RNF207: variants seen among roughly 807,000 people sequenced by gnomAD.
The protein encoded by RNF207 is OTTHUMG00000001089.
Under a neutral mutation model 79.0 loss-of-function variants are expected in RNF207, and 72 were observed. The ratio of observed to expected loss-of-function variants is 0.91; its 90% CI spans 0.75 to 1.11. The LOEUF (loss-of-function observed/expected upper bound fraction) is 1.11. RNF207 is among the 50% of genes least tolerant of loss of function. RNF207 has a pLI of 0.00. For missense variants in RNF207, 936 were observed against 855.8 expected, an observed-to-expected ratio of 1.09 and a Z score of -1.17; for synonymous variants, 348 against 366.2, an observed-to-expected ratio of 0.95 and a Z score of 0.57.
chr1:6,216,562 CTTT>C (rs60430154), intron 16 of RNF207, among the ~76,000 whole-genome samples: 5 of 139,878 alleles, frequency 3.6e-5, no homozygotes, highest in African/African-American at 2.7e-5. Context: ...CCATATTCAT[CTTT>C]TTTTTTTTTT....
chr1:6,216,449 G>A (rs530329730), intron 16 of RNF207, among the ~76,000 whole-genome samples: 29 of 152,252 alleles, frequency 1.9e-4, no homozygotes, highest in Non-Finnish European at 3.5e-4. Context: ...CCAGGTCTGC[G>A]AGTCCACTCA....
rs144151382 is a variant in RNF207, at chr1:6,210,523, G to C, written c.942+85G>C. 1.4e-3 allele frequency: 1,523 copies of C among 1,069,808 alleles called. 15 individuals carry two copies. The African/African-American group carries it at 0.022, about 15-fold the overall frequency. The allele number at this position is 1,069,808 out of a possible 1,614,324, so 66.3% of individuals were successfully genotyped here. A position where few individuals can be genotyped will look rare whatever the true frequency, so the allele number is the denominator to read the frequency against. On this transcript the variant is annotated intron_variant, in intron 10 of 17. Transcript: ENST00000377939. ...AAAGCCACCAACTCAGGGGTGGGCA[G>C]CCTGTCACCTGGAGCCTGGACCAGG...
chr1:6,212,234 C>G lies in RNF207; in HGVS notation c.1300C>G (p.Leu434Val). 2 of 1,611,824 alleles carry G rather than the reference C, an allele frequency of 1.2e-6. No individual in the cohort carries two copies. Among genetic ancestry groups the G allele is most frequent in the Non-Finnish European group, 1.7e-6 (2 of 1,178,906 alleles). Residue 434 changes from leucine to valine, a missense_variant, in exon 14 of 18, where the codon CTG becomes GTG. By Grantham distance (32) the Leu-to-Val change is conservative. Coordinates refer to ENST00000377939, the MANE Select transcript of RNF207 (RefSeq NM_207396.3). ...CTCACACAGCCTCTCTGTGCAGCAC[C>G]TGCAGGCAGAGATGCAGAGCCTAAA... is the stretch of plus-strand genomic sequence containing the variant. ...CRHYEDSYRH[L>V]QAEMQSLKDQ...
chr1:6,206,932 T>C (rs902067447), intron 2 of RNF207, among the ~76,000 whole-genome samples: 2 of 152,126 alleles, frequency 1.3e-5, no homozygotes, highest in Non-Finnish European at 2.9e-5. Context: ...AACTGAAGCC[T>C]GGAGATTGCA....
rs1464285423 is a variant in RNF207, at chr1:6,211,676, C to T, written c.1110-191C>T. 6.6e-6 allele frequency among the ~76,000 whole-genome samples: 1 copy of T among 152,202 alleles called. No individual in the cohort carries two copies. On this transcript the variant is annotated intron_variant, in intron 12 of 17. Coordinates refer to ENST00000377939, the MANE Select transcript of RNF207 (RefSeq NM_207396.3). This position sits in a 1 kb window ranked among gnomAD's most constrained non-coding sequence, Gnocchi z 4.2. ...CACATCCTGGAACCCACTCCAGGGA[C>T]TTTAAAAAATAGATGTGGATGTCCG...
Position 6,207,876 on chromosome 1 carries a change from C to T in RNF207, c.324+365C>T. 2 of 430,166 alleles carry T rather than the reference C, an allele frequency of 4.6e-6. No individual in the cohort carries two copies. The highest frequency in any genetic ancestry group is 9.1e-6 in the Non-Finnish European group (2 of 220,458). The allele number at this position is 430,166 out of a possible 1,614,324, so 26.6% of individuals were successfully genotyped here. On this transcript the variant is annotated intron_variant, in intron 3 of 17. Coordinates refer to ENST00000377939, the MANE Select transcript of RNF207 (RefSeq NM_207396.3). This position sits in a 1 kb window ranked among gnomAD's most constrained non-coding sequence, Gnocchi z 4.5. ...TACCCAAGTGGCATAGAAGCAGCTA[C>T]AGCCCAGGGGAGGTGGGGACAGCAT...
chr1:6,212,070 C>A lies in RNF207; in HGVS notation c.1296+17C>A. Reference sequence around the variant, plus strand: ...TCCTACCGGGTGAGGGGGCAGGGATCTGCCGGAGGGGGGAGATGTCCTAAC... The same window carrying A: ...TCCTACCGGGTGAGGGGGCAGGGATATGCCGGAGGGGGGAGATGTCCTAAC... On this transcript the variant is annotated intron_variant, in intron 13 of 17. Coordinates refer to ENST00000377939, the MANE Select transcript of RNF207 (RefSeq NM_207396.3). The A allele has an allele frequency of 1.9e-6, 3 of 1,579,216 alleles. No homozygotes were observed. Among genetic ancestry groups the A allele is most frequent in the Non-Finnish European group, 2.6e-6 (3 of 1,162,556 alleles).
Position 6,213,079 on chromosome 1 carries a change from CCTT to C in RNF207, c.1551_1553del (p.Leu518del). On this transcript the variant is annotated inframe_deletion, in exon 16 of 18. Coordinates refer to ENST00000377939, the MANE Select transcript of RNF207 (RefSeq NM_207396.3). ...TTGGCCCCACAGCCCAGCTCCATGACCTTCTCCAGCTGAGGCAGGAGAATGCCT... is the reference window on the plus strand; with the variant it reads ...TTGGCCCCACAGCCCAGCTCCATGACCTCCAGCTGAGGCAGGAGAATGCCT... 3.1e-6 allele frequency: 5 copies of C among 1,612,854 alleles called. No individual in the cohort carries two copies. Among genetic ancestry groups the C allele is most frequent in the Non-Finnish European group, 4.2e-6 (5 of 1,179,134 alleles).
Position 6,220,821 on chromosome 1 carries a change from T to C in RNF207, c.*1414T>C, listed in dbSNP as rs1304723466. 2 of 152,158 alleles carry C rather than the reference T, an allele frequency of 1.3e-5. No homozygotes were observed. The highest frequency in any genetic ancestry group is 4.8e-5 in the African/African-American group (2 of 41,372). The allele number at this position is 152,158 out of a possible 1,614,324, so 9.4% of individuals were successfully genotyped here. A position where few individuals can be genotyped will look rare whatever the true frequency, so the allele number is the denominator to read the frequency against. On this transcript the variant is annotated 3_prime_UTR_variant, in exon 18 of 18. Transcript: ENST00000377939. ...AAGTAACCCACGTGACGTAAAATTT[T>C]ACAAGTTTTTGTGGCAAAATGATGC...
rs2100933953 is a variant in RNF207, at chr1:6,211,770, CTG to C, written c.1110-94_1110-93del. ...GCTGTGCTCCAGGTGGTGGAGAGGG[CTG>C]TGAGATCCCGGAGCAGTCCAGGGGG... is the stretch of plus-strand genomic sequence containing the variant. On this transcript the variant is annotated intron_variant, in intron 12 of 17. Coordinates refer to ENST00000377939, the MANE Select transcript of RNF207 (RefSeq NM_207396.3). The surrounding 1 kb of genome is among the most constrained non-coding windows in gnomAD (Gnocchi z 4.2). 1 of 825,738 alleles carries C rather than the reference CTG, an allele frequency of 1.2e-6. No homozygotes were observed. Among genetic ancestry groups the C allele is most frequent in the African/African-American group, 1.7e-5 (1 of 58,528 alleles). 51.2% of individuals were successfully genotyped at this position (825,738 alleles called of 1,614,324 possible).
At chr1:6,215,331 CTT>C (rs147320112) in intron 16 of RNF207, among the ~76,000 whole-genome samples, 89 of 138,724 alleles carry the variant, frequency 6.4e-4, no homozygotes, top group African/African-American at 9.1e-4. Context: ...CCCGGCCCCC[CTT>C]TTTTTTTTTT....
rs1424399078 is a variant in RNF207 at position 6,213,195 on chromosome 1, G to T, written c.1652+12G>T. 6.4e-7 allele frequency: 1 copy of T among 1,569,950 alleles called. No homozygotes were observed. The highest frequency in any genetic ancestry group is 1.3e-5 in the African/African-American group (1 of 74,080). On this transcript the variant is annotated intron_variant, in intron 16 of 17. Transcript: ENST00000377939. ...CGGCTGGAGCCCAGGTGAGGCCAAG[G>T]GGGTGTTCCCAGGGCCACTGAGACT...
At position 6,217,385 on chromosome 1, in the gene RNF207, A is replaced by AC. The variant is rs1382835370; in HGVS notation, c.1653-903dup. Among the ~76,000 whole-genome samples, 1 of 151,998 alleles carries AC rather than the reference A, an allele frequency of 6.6e-6. No individual in the cohort carries two copies. The highest frequency in any genetic ancestry group is 1.5e-5 in the Non-Finnish European group (1 of 68,010). ...TCCCTGGCTTTAAGACCCCATCATG[A>AC]CGCAGACCCCCAGCTCCCGCTCCAG... On this transcript the variant is annotated intron_variant, in intron 16 of 17. Coordinates refer to ENST00000377939, the MANE Select transcript of RNF207 (RefSeq NM_207396.3). The surrounding 1 kb of genome is among the most constrained non-coding windows in gnomAD (Gnocchi z 4.2).
At chr1:6,208,731 G>A in intron 3 of RNF207, 150 bp from the exon 4 acceptor site, 1 of 763,912 alleles carries the variant, frequency 1.3e-6, no homozygotes, top group Non-Finnish European at 2.0e-6. Context: ...ATATCAGAGC[G>A]CCAAGTGCCT....
chr1:6,212,934 C>G lies in RNF207; in HGVS notation c.1535-132C>G. The G allele has an allele frequency of 3.9e-6, 3 of 773,258 alleles. No individual in the cohort carries two copies. The South Asian group carries it at 4.8e-5, about 12-fold the overall frequency. The allele number at this position is 773,258 out of a possible 1,614,324, so 47.9% of individuals were successfully genotyped here. A position where few individuals can be genotyped will look rare whatever the true frequency, so the allele number is the denominator to read the frequency against. On this transcript the variant is annotated intron_variant, in intron 15 of 17. Transcript: ENST00000377939. ...GATTCATTGAGTAGAATGCCCCCACCAAGTGCCTCCCTCTTTAATTAGAGG... is the reference window on the plus strand; with the variant it reads ...GATTCATTGAGTAGAATGCCCCCACGAAGTGCCTCCCTCTTTAATTAGAGG...
intron 16 of RNF207, among the ~76,000 whole-genome samples, chr1:6,215,004 C>T (rs1668313454): frequency 2.0e-5 from 3 of 150,990 alleles, no homozygotes; most frequent in Admixed American, 2.0e-4. Context: ...CTGGGCTGGC[C>T]CTCTAATGTA....
In RNF207 at chr1:6,210,214, C is replaced by T. The variant is rs778496017; in HGVS notation, c.801-9C>T. ...GCCCCCTGGAAACCAGGCAGCCCCC[C>T]TCCCCCAGCCAATACGAAGAGAAGG... On this transcript the variant is annotated splice_polypyrimidine_tract_variant and intron_variant, in intron 8 of 17. Transcript: ENST00000377939. 3 of 1,612,070 alleles carry T rather than the reference C, an allele frequency of 1.9e-6. No homozygotes were observed. The highest frequency in any genetic ancestry group is 2.7e-5 in the African/African-American group (2 of 74,998).
At chr1:6,209,065 G>GGGGGGGGGCCC in intron 4 of RNF207, 40 bp downstream of exon 4, 2 of 828,538 alleles carry the variant, frequency 2.4e-6, no homozygotes, top group Non-Finnish European at 3.9e-6. Flanking sequence ...GGGGGTGGGG[G>GGGGGGGGGCCC]CGGGGCGGGC....
At chr1:6,212,963 T>C (rs1182477023) in intron 15 of RNF207, 103 bp from the exon 16 acceptor site, 1 of 839,956 alleles carries the variant, frequency 1.2e-6, no homozygotes, top group Non-Finnish European at 2.0e-6. Context: ...TTAGAGGTCA[T>C]CATGGAAATG....
Sources: allele counts gnomAD v4.1 joint callset (sites outside exome capture counted in the v4.1 genomes callset), GRCh38; gene constraint gnomAD v4.1.1; non-coding constraint Gnocchi (gnomAD v3.1); transcripts MANE v1.5; gene names NCBI Gene and HGNC (gene_info 2026-07-23, HGNC 2026-07-21).